Variants in BRD4 observed in about 807,000 individuals in gnomAD.
BRD4 encodes the protein bromodomain-containing protein 4.
A neutral mutation model predicts 142.1 loss-of-function variants in BRD4; 16 were observed. The ratio of observed to expected loss-of-function variants is 0.11; its 90% CI spans 0.08 to 0.17. BRD4 has a LOEUF of 0.17. BRD4 is among the 10% of genes least tolerant of loss of function. The pLI is 1.00. For missense variants in BRD4, 1,424 were observed against 1,810.9 expected (o/e 0.79, Z 3.88); for synonymous variants, 833 against 707.5 (o/e 1.18, Z -2.82).
intron 1 of BRD4, among the ~76,000 whole-genome samples, chr19:15,312,073 G>A (rs750097245): frequency 6.6e-6 from 1 of 152,224 alleles, no homozygotes. Flanking sequence ...ACACATGCGT[G>A]TGCATGTAGG....
chr19:15,293,042 C>T (rs1433868060), intron 1 of BRD4, among the ~76,000 whole-genome samples: 1 of 152,044 alleles, frequency 6.6e-6, no homozygotes, highest in Non-Finnish European at 1.5e-5. Flanking sequence ...GTCTCCACAA[C>T]AGCCGACTAC....
In BRD4 at chr19:15,239,852, GGT is replaced by G. The variant is rs1568376348; in HGVS notation, c.3283-33_3283-32del. The G allele has an allele frequency of 6.2e-7, 1 of 1,613,930 alleles. No individual in the cohort carries two copies. The highest frequency in any genetic ancestry group is 8.5e-7 in the Non-Finnish European group (1 of 1,180,016). On this transcript the variant is annotated intron_variant, in intron 15 of 19. Coordinates refer to ENST00000679869, the MANE Select transcript of BRD4 (RefSeq NM_001379291.1). The surrounding 1 kb of genome is among the most constrained non-coding windows in gnomAD (Gnocchi z 7.4). Reference sequence around the variant, plus strand: ...ATGGCACAGGCACAGCGGCCGGTGAGGTGGGCAGGCACCCCCGGCCCTAGCCC... The same window carrying G: ...ATGGCACAGGCACAGCGGCCGGTGAGGGGCAGGCACCCCCGGCCCTAGCCC...
At chr19:15,326,699 G>A (rs933127351) in intron 1 of BRD4, among the ~76,000 whole-genome samples, 1 of 152,062 alleles carries the variant, frequency 6.6e-6, no homozygotes, top group Admixed American at 6.6e-5. Flanking sequence ...TTCAAATGAT[G>A]TGGAACAACC....
chr19:15,248,778 A>G, intron 11 of BRD4: 1 of 237,350 alleles, frequency 4.2e-6, no homozygotes, highest in South Asian at 1.6e-4. Flanking sequence ...GGACAGCTCT[A>G]GAGGTCAGAG....
At chr19:15,306,204 T>C (rs1262731323) in intron 1 of BRD4, among the ~76,000 whole-genome samples, 1 of 152,244 alleles carries the variant, frequency 6.6e-6, no homozygotes, top group South Asian at 2.1e-4. Context: ...CGAGAACTCC[T>C]TTGCATTCAC....
rs200528846 is a variant in BRD4 at position 15,242,923 on chromosome 19, T to G, written c.3146A>C (p.His1049Pro). 6.3e-7 allele frequency: 1 copy of G among 1,587,906 alleles called. No homozygotes were observed. Among genetic ancestry groups the G allele is most frequent in the Non-Finnish European group, 8.6e-7 (1 of 1,169,340 alleles). The change falls in exon 14 of 20, where the codon CAC becomes CCC. Residue 1049 changes from histidine (H) to proline (P), a missense_variant. By Grantham distance (77) the His-to-Pro change is moderately conservative (BLOSUM62 -2). Around this residue, in one of 16 missense-constraint regions of BRD4, gnomAD observed 598 missense variants for 647.8 expected, o/e 0.92. Transcript: ENST00000679869. ...ACCGGTTGAGTAGGGGTCCGACTTG[T>G]GGTGCCGGGGTGAATGGTGGTGCTG... ...VIQHHHSPRH[H>P]KSDPYSTGHL...
At chr19:15,286,117 C>T (rs2047738159) in intron 1 of BRD4, among the ~76,000 whole-genome samples, 1 of 152,234 alleles carries the variant, frequency 6.6e-6, no homozygotes, top group Non-Finnish European at 1.5e-5. Flanking sequence ...TCTTCCCACG[C>T]CTCTGTCCTA....
intron 11 of BRD4, among the ~76,000 whole-genome samples, chr19:15,252,545 T>A (rs1568381996): frequency 6.6e-6 from 1 of 152,196 alleles, no homozygotes; most frequent in South Asian, 2.1e-4. Context: ...CCCCAGTCAC[T>A]CTGCTGCGAG....
chr19:15,273,091 C>T lies in BRD4; in HGVS notation c.9G>A (p.Ala3=), dbSNP rs756144386. Reference sequence around the variant, plus strand: ...TCAATCTCGTCCCAGGGCCGCTCTCCGCAGACATGCTAGTGATCCCATCAC... The same window carrying T: ...TCAATCTCGTCCCAGGGCCGCTCTCTGCAGACATGCTAGTGATCCCATCAC... MS[A]ESGPGTRLRN... Residue 3 remains alanine (A), a synonymous_variant, in exon 2 of 20, where the codon GCG becomes GCA. Coordinates refer to ENST00000679869, the MANE Select transcript of BRD4 (RefSeq NM_001379291.1). 2.1e-5 allele frequency: 34 copies of T among 1,590,548 alleles called. No homozygotes were observed. Among genetic ancestry groups the T allele is most frequent in the Admixed American group, 5.1e-5 (3 of 58,776 alleles).
intron 1 of BRD4, among the ~76,000 whole-genome samples, chr19:15,278,680 TAAAC>T (rs886152035): frequency 6.6e-6 from 1 of 151,276 alleles, no homozygotes; most frequent in African/African-American, 2.4e-5. Flanking sequence ...AACCACCTAA[TAAAC>T]AATATTGTTG....
chr19:15,296,239 C>A lies in BRD4; in HGVS notation c.-34-23106G>T, dbSNP rs536532533. On this transcript the variant is annotated intron_variant, in intron 1 of 19. Transcript: ENST00000679869. The stretch of plus-strand genomic sequence containing the variant: ...ACTGCACTCCAGCCCGGCGACAGAG[C>A]GAGACTCCATCTCAAAATAAAAAAA... Among the ~76,000 whole-genome samples the A allele has an allele frequency of 1.8e-4, 28 of 152,078 alleles. No individual in the cohort carries two copies. The East Asian group carries it at 4.4e-3, about 24-fold the overall frequency.
chr19:15,244,301 AG>A lies in BRD4; in HGVS notation c.2510del (p.Pro837LeufsTer58). ...TGTGCTCAGGCGGCTGGGGCAGGTG[AG>A]GGGGCAGCTCAGGCTGCGGCAGGTG... ...ILHLPQPELP[P>X]HLPQPPEHST... On this transcript the variant is annotated frameshift_variant, in exon 13 of 20. Coordinates refer to ENST00000679869, the MANE Select transcript of BRD4 (RefSeq NM_001379291.1). LOFTEE classifies it high-confidence loss of function. 1 of 1,596,550 alleles carries A rather than the reference AG, an allele frequency of 6.3e-7. No homozygotes were observed.
chr19:15,273,657 G>C (rs2047614550), intron 1 of BRD4, among the ~76,000 whole-genome samples: 1 of 152,284 alleles, frequency 6.6e-6, no homozygotes, highest in South Asian at 2.1e-4. Flanking sequence ...CCCACCCATG[G>C]ATGGCCCACC....
intron 1 of BRD4, among the ~76,000 whole-genome samples, chr19:15,295,251 G>A (rs2047814036): frequency 6.6e-6 from 1 of 152,138 alleles, no homozygotes. Flanking sequence ...AGAGCCCAGG[G>A]ACTAGAGACA....
chr19:15,326,944 A>C (rs909339178), intron 1 of BRD4, among the ~76,000 whole-genome samples: 1 of 152,232 alleles, frequency 6.6e-6, no homozygotes, highest in African/African-American at 2.4e-5. Context: ...TGCATCTCCG[A>C]GACTGTTCTC....
Position 15,265,621 on chromosome 19 carries a change from G to A in BRD4, c.582C>T (p.Ser194=). 6.2e-7 allele frequency: 1 copy of A among 1,614,108 alleles called. No individual in the cohort carries two copies. ...KETGTAKPGV[S]TVPNTTQAST... is the part of the protein sequence containing the mutation. ...ATGCTTGAGTTGTGTTTGGTACCGT[G>A]GAAACGCCAGGTTTTGCTGTCCCTA... The change falls in exon 5 of 20, where the codon TCC becomes TCT. Residue 194 remains serine, a synonymous_variant. Coordinates refer to ENST00000679869, the MANE Select transcript of BRD4 (RefSeq NM_001379291.1).
At chr19:15,301,756 G>A (rs756101705) in intron 1 of BRD4, among the ~76,000 whole-genome samples, 2 of 151,182 alleles carry the variant, frequency 1.3e-5, no homozygotes, top group Non-Finnish European at 2.9e-5. Flanking sequence ...AGCTACTCAG[G>A]AGGCTGAGGC....
At chr19:15,272,794 G>A (rs752201932) in intron 2 of BRD4, 21 bp downstream of exon 2, 4 of 1,604,908 alleles carry the variant, frequency 2.5e-6, no homozygotes, top group Non-Finnish European at 2.6e-6. Context: ...GGCCACCCTG[G>A]GCCCTGCCCA....
At chr19:15,312,801 G>A (rs1167953021) in intron 1 of BRD4, among the ~76,000 whole-genome samples, 1 of 152,048 alleles carries the variant, frequency 6.6e-6, no homozygotes, top group Non-Finnish European at 1.5e-5. Flanking sequence ...CGGGCGTGGG[G>A]GCGCGTGCCT....
Sources: gnomAD v4.1 joint callset for allele counts (sites outside exome capture counted in the v4.1 genomes callset) on GRCh38, gnomAD v4.1.1 for gene constraint, gnomAD v4.1.1 regional missense constraint, Gnocchi (gnomAD v3.1) non-coding constraint, MANE v1.5 for transcripts, NCBI Gene and HGNC (gene_info 2026-07-23, HGNC 2026-07-21) for gene names.